Variants in JAZF1 observed in about 807,000 individuals in gnomAD.
JAZF1 encodes JAZF zinc finger 1.
JAZF1 carries 8 observed loss-of-function variants against 26.4 expected under a neutral mutation model. The observed-to-expected ratio is 0.30, with a 90% CI of 0.18 to 0.55. The LOEUF (loss-of-function observed/expected upper bound fraction) is 0.55. Among genes scored for constraint, JAZF1 ranks in the 20% least tolerant of loss-of-function variants. The pLI is 0.94. For missense variants in JAZF1, 199 were observed against 322.0 expected (o/e 0.62, Z 2.92); for synonymous variants, 126 against 122.3 (o/e 1.03, Z -0.20).
At chr7:28,014,436 T>A (rs1431633471) in intron 1 of JAZF1, among the ~76,000 whole-genome samples, 1 of 152,118 alleles carries the variant, frequency 6.6e-6, no homozygotes, top group Non-Finnish European at 1.5e-5. Context: ...ACGGACCTGG[T>A]GGGAGGTAAT....
chr7:28,010,993 G>A (rs1472186497), intron 1 of JAZF1, among the ~76,000 whole-genome samples: 2 of 152,216 alleles, frequency 1.3e-5, no homozygotes, highest in African/African-American at 4.8e-5. Flanking sequence ...GGTGAACCCA[G>A]TATCTCTGGT....
chr7:28,006,501 C>T (rs1484003688), intron 1 of JAZF1, among the ~76,000 whole-genome samples: 1 of 152,154 alleles, frequency 6.6e-6, no homozygotes, highest in Non-Finnish European at 1.5e-5. Context: ...ATCAATAGTT[C>T]TCAAGTAGCA....
chr7:28,079,311 G>C (rs1259443522), intron 1 of JAZF1, among the ~76,000 whole-genome samples: 1 of 152,116 alleles, frequency 6.6e-6, no homozygotes, highest in Non-Finnish European at 1.5e-5. Context: ...TAATTTAAAA[G>C]ATGTACCTCA....
intron 2 of JAZF1, among the ~76,000 whole-genome samples, chr7:27,896,183 A>C (rs1242503334): frequency 2.0e-5 from 3 of 152,210 alleles, no homozygotes; most frequent in Non-Finnish European, 2.9e-5. Context: ...TGATAGTTTC[A>C]CTTTGGAAAC....
At chr7:27,926,728 G>A (rs1245894358) in intron 2 of JAZF1, among the ~76,000 whole-genome samples, 1 of 152,244 alleles carries the variant, frequency 6.6e-6, no homozygotes, top group Non-Finnish European at 1.5e-5. Context: ...TGGAGGCACT[G>A]AATGGCTGAC....
intron 3 of JAZF1, among the ~76,000 whole-genome samples, chr7:27,873,884 T>C (rs1317085451): frequency 2.0e-5 from 3 of 152,192 alleles, no homozygotes; most frequent in Non-Finnish European, 2.9e-5. Context: ...GCTGAGAAGG[T>C]AGACTGAGAC....
At chr7:28,087,388 A>G (rs1784227823) in intron 1 of JAZF1, among the ~76,000 whole-genome samples, 1 of 152,120 alleles carries the variant, frequency 6.6e-6, no homozygotes, top group African/African-American at 2.4e-5. Context: ...CTGAATGAGA[A>G]CAGTCCTCAA....
chr7:27,961,120 TCTAA>T (rs903196975), intron 2 of JAZF1, among the ~76,000 whole-genome samples: 4 of 152,264 alleles, frequency 2.6e-5, no homozygotes, highest in Non-Finnish European at 4.4e-5. Context: ...CAGGCACTGT[TCTAA>T]CTGTTTTACA....
chr7:27,832,340 G>T lies in JAZF1; in HGVS notation c.*460C>A. ...CACAAATACTAACTCCATTATGTAA[G>T]GCATGGTAACCAGTTTGATAATGAA... On this transcript the variant is annotated 3_prime_UTR_variant, in exon 5 of 5. Transcript: ENST00000283928. 4.6e-6 allele frequency: 1 copy of T among 218,092 alleles called. No individual in the cohort carries two copies. The highest frequency in any genetic ancestry group is 9.2e-6 in the Non-Finnish European group (1 of 108,418). 13.5% of individuals were successfully genotyped at this position (218,092 alleles called of 1,614,324 possible). A position where few individuals can be genotyped will look rare whatever the true frequency, so the allele number is the denominator to read the frequency against.
At chr7:28,096,232 G>A (rs1051592954) in intron 1 of JAZF1, among the ~76,000 whole-genome samples, 3 of 152,240 alleles carry the variant, frequency 2.0e-5, no homozygotes, top group Non-Finnish European at 4.4e-5. Flanking sequence ...AAGGGAACAA[G>A]AGGGCCAGTG....
chr7:27,906,444 A>C (rs1381262488), intron 2 of JAZF1, among the ~76,000 whole-genome samples: 1 of 152,238 alleles, frequency 6.6e-6, no homozygotes, highest in Non-Finnish European at 1.5e-5. Flanking sequence ...CCATTGAAAT[A>C]ACAAAATCCC....
At chr7:28,066,163 C>T (rs1783878327) in intron 1 of JAZF1, among the ~76,000 whole-genome samples, 1 of 152,200 alleles carries the variant, frequency 6.6e-6, no homozygotes, top group Non-Finnish European at 1.5e-5. Context: ...ACCTTAGATG[C>T]ACTGAATTCT....
intron 2 of JAZF1, among the ~76,000 whole-genome samples, chr7:27,938,998 T>C (rs544420492): frequency 7.2e-5 from 11 of 152,138 alleles, no homozygotes; most frequent in Non-Finnish European, 1.5e-4. Flanking sequence ...TCAGGGAGAA[T>C]GGCTCTCACT....
At chr7:27,963,322 C>T (rs1035892530) in intron 2 of JAZF1, among the ~76,000 whole-genome samples, 16 of 152,154 alleles carry the variant, frequency 1.1e-4, no homozygotes, top group African/African-American at 3.9e-4. Flanking sequence ...AGCTTTGGAG[C>T]TCTCTTTCCA....
At chr7:27,833,874 G>T (rs1782756733) in intron 4 of JAZF1, among the ~76,000 whole-genome samples, 1 of 152,194 alleles carries the variant, frequency 6.6e-6, no homozygotes, top group Non-Finnish European at 1.5e-5. Context: ...GAGGAAATGG[G>T]CTTGAGGGTA....
In JAZF1 at chr7:28,018,949, T is replaced by C. The variant is rs574395620; in HGVS notation, c.116-26968A>G. ...ACAAAAAGGGCCAGTCATTGCTGTC[T>C]GTGCAGAGATCCTGAGAGTCCTGTT... On this transcript the variant is annotated intron_variant, in intron 1 of 4. Coordinates refer to ENST00000283928, the MANE Select transcript of JAZF1 (RefSeq NM_175061.4). 2.6e-4 allele frequency among the ~76,000 whole-genome samples: 40 copies of C among 152,334 alleles called. No individual in the cohort carries two copies. The South Asian group carries it at 8.3e-3, about 32-fold the overall frequency.
intron 1 of JAZF1, among the ~76,000 whole-genome samples, chr7:28,000,402 A>G (rs1291307637): frequency 6.6e-6 from 1 of 152,132 alleles, no homozygotes; most frequent in East Asian, 1.9e-4. Context: ...AATGTCAATA[A>G]TGTCAAAGTT....
intron 3 of JAZF1, among the ~76,000 whole-genome samples, chr7:27,847,142 GCTTTTT>G (rs1783045860): frequency 6.7e-6 from 1 of 148,276 alleles, no homozygotes; most frequent in Non-Finnish European, 1.5e-5. Context: ...ACCCCGCCTG[GCTTTTT>G]TTCTTTTTTT....
At chr7:28,051,711 T>A (rs1783621086) in intron 1 of JAZF1, among the ~76,000 whole-genome samples, 1 of 152,116 alleles carries the variant, frequency 6.6e-6, no homozygotes, top group African/African-American at 2.4e-5. Flanking sequence ...GGGGTTCATA[T>A]GCAAACTCCC....
Sources: allele counts gnomAD v4.1 joint callset (sites outside exome capture counted in the v4.1 genomes callset), GRCh38; gene constraint gnomAD v4.1.1; transcripts MANE v1.5; gene names NCBI Gene and HGNC (gene_info 2026-07-23, HGNC 2026-07-21).